Variants in NCAPD3 observed in about 807,000 individuals in gnomAD.
NCAPD3 encodes non-SMC condensin II complex subunit D3.
NCAPD3 carries 105 observed loss-of-function variants against 182.9 expected under a neutral mutation model. The ratio of observed to expected loss-of-function variants is 0.57; its 90% CI spans 0.49 to 0.68. The LOEUF is 0.68. Ranked by LOEUF, NCAPD3 falls within the 30% of genes least tolerant of loss-of-function variation. The pLI is 0.00. For synonymous variants in NCAPD3, 815 were observed against 679.9 expected, an observed-to-expected ratio of 1.20 and a Z score of -3.09; for missense variants, 1,944 against 1,837.0, an observed-to-expected ratio of 1.06 and a Z score of -1.07.
chr11:134,212,375 TTGTG>T (rs56807520), intron 3 of NCAPD3, among the ~76,000 whole-genome samples: 36 of 143,244 alleles, frequency 2.5e-4, no homozygotes, highest in South Asian at 9.1e-4. Context: ...TTTTGTTGTT[TTGTG>T]TGTGTGTGTG....
chr11:134,222,023 C>T (rs775632328), intron 1 of NCAPD3, among the ~76,000 whole-genome samples: 2 of 152,150 alleles, frequency 1.3e-5, no homozygotes, highest in Non-Finnish European at 2.9e-5. Context: ...TTTGGTTTTG[C>T]TTATGACAGT....
At chr11:134,169,278 T>C (rs1156468180) in intron 24 of NCAPD3, among the ~76,000 whole-genome samples, 1 of 152,230 alleles carries the variant, frequency 6.6e-6, no homozygotes, top group African/African-American at 2.4e-5. Flanking sequence ...AGTATATTTT[T>C]TCCACCAGGT....
chr11:134,185,472 G>A lies in NCAPD3; in HGVS notation c.2100C>T (p.Pro700=). The A allele has an allele frequency of 6.2e-7, 1 of 1,612,364 alleles. No individual in the cohort carries two copies. The highest frequency in any genetic ancestry group is 8.5e-7 in the Non-Finnish European group (1 of 1,179,212). Residue 700 remains proline (P), a synonymous_variant, in exon 17 of 35, where the codon CCC becomes CCT. Coordinates refer to ENST00000534548, the MANE Select transcript of NCAPD3 (RefSeq NM_015261.3). ...HIWSKKEKFS[P]TFINNVISHT... is the part of the protein sequence containing the mutation. Reference sequence around the variant, plus strand: ...GAGATATTACATTGTTTATAAAAGTGGGTGAGAATTTTTCTTTCTTGGACC... The same window carrying A: ...GAGATATTACATTGTTTATAAAAGTAGGTGAGAATTTTTCTTTCTTGGACC...
At chr11:134,225,364 C>A, upstream of NCAPD3, 1 of 1,611,836 alleles carries the variant, frequency 6.2e-7, no homozygotes. Flanking sequence ...ACCCCCGGGA[C>A]CCCCTCCCCC....
chr11:134,165,491 T>TCAC (rs1943749925), intron 27 of NCAPD3, among the ~76,000 whole-genome samples: 1 of 144,694 alleles, frequency 6.9e-6, no homozygotes. Flanking sequence ...AGTGGCACAC[T>TCAC]TGTGAGATGA....
chr11:134,170,896 TTTA>T (rs1318026419), intron 24 of NCAPD3, among the ~76,000 whole-genome samples: 1 of 152,240 alleles, frequency 6.6e-6, no homozygotes, highest in Non-Finnish European at 1.5e-5. Context: ...TCACTGGGAC[TTTA>T]TTAAGAGGGC....
intron 27 of NCAPD3, among the ~76,000 whole-genome samples, chr11:134,164,592 T>C (rs1177447689): frequency 6.6e-6 from 1 of 151,988 alleles, no homozygotes; most frequent in African/African-American, 2.4e-5. Flanking sequence ...ACTTGTGACA[T>C]GAGCTTAGGG....
chr11:134,162,772 G>A (rs1353563470), intron 27 of NCAPD3, among the ~76,000 whole-genome samples: 1 of 152,334 alleles, frequency 6.6e-6, no homozygotes, highest in South Asian at 2.1e-4. Context: ...CACCTTCTCT[G>A]TCCAGGCAAA....
chr11:134,220,342 C>T (rs998098355), intron 2 of NCAPD3, among the ~76,000 whole-genome samples: 3 of 151,262 alleles, frequency 2.0e-5, no homozygotes, highest in Non-Finnish European at 4.4e-5. Flanking sequence ...CTTTAATTTG[C>T]TATTGTAAAA....
intron 2 of NCAPD3, among the ~76,000 whole-genome samples, chr11:134,219,230 T>C (rs1938136892): frequency 6.6e-6 from 1 of 152,202 alleles, no homozygotes. Flanking sequence ...CTGGCCACTT[T>C]CTTTCTGGAA....
intron 2 of NCAPD3, among the ~76,000 whole-genome samples, chr11:134,220,300 C>T (rs1343192663): frequency 3.3e-5 from 5 of 150,898 alleles, no homozygotes; most frequent in Non-Finnish European, 7.4e-5. Flanking sequence ...GGATTACAGA[C>T]GTAAGACACC....
intron 27 of NCAPD3, among the ~76,000 whole-genome samples, chr11:134,165,491 T>TCACTAG: frequency 6.9e-6 from 1 of 144,820 alleles, no homozygotes; most frequent in South Asian, 2.3e-4. Flanking sequence ...AGTGGCACAC[T>TCACTAG]TGTGAGATGA....
intron 13 of NCAPD3, among the ~76,000 whole-genome samples, chr11:134,200,246 T>C (rs779326181): frequency 6.6e-6 from 1 of 152,102 alleles, no homozygotes; most frequent in Non-Finnish European, 1.5e-5. Context: ...AAAAGATAAA[T>C]TGGACTTCAT....
chr11:134,171,072 C>T (rs1943995846), intron 24 of NCAPD3, among the ~76,000 whole-genome samples: 1 of 152,168 alleles, frequency 6.6e-6, no homozygotes, highest in Non-Finnish European at 1.5e-5. Context: ...AGAGGCAGCA[C>T]TCTCTAGGTA....
In NCAPD3 at chr11:134,220,552, G is replaced by C. The variant is rs2136034337; in HGVS notation, c.219+20C>G. 1 of 1,598,544 alleles carries C rather than the reference G, an allele frequency of 6.3e-7. No homozygotes were observed. Among genetic ancestry groups the C allele is most frequent in the Non-Finnish European group, 8.6e-7 (1 of 1,169,310 alleles). On this transcript the variant is annotated intron_variant, in intron 2 of 34. Coordinates refer to ENST00000534548, the MANE Select transcript of NCAPD3 (RefSeq NM_015261.3). ...TACTTCTAACACCAAACTTTGGCTA[G>C]TTTGTTTTTATATTTTTACCTCCAT... is the stretch of plus-strand genomic sequence containing the variant.
chr11:134,171,519 A>C (rs1944005916), intron 24 of NCAPD3, among the ~76,000 whole-genome samples: 1 of 152,180 alleles, frequency 6.6e-6, no homozygotes, highest in Non-Finnish European at 1.5e-5. Flanking sequence ...TGCTGAACTC[A>C]TGTTCCTGAC....
At chr11:134,190,603 C>T (rs1239479697) in intron 16 of NCAPD3, among the ~76,000 whole-genome samples, 2 of 152,198 alleles carry the variant, frequency 1.3e-5, no homozygotes, top group Admixed American at 6.5e-5. Context: ...CATCCCACCA[C>T]AGCCTCCCAA....
Position 134,151,868 on chromosome 11 carries a change from A to G in NCAPD3, c.*1076T>C, listed in dbSNP as rs1943248266. The G allele has an allele frequency of 6.6e-6, 1 of 152,228 alleles. No individual in the cohort carries two copies. Among genetic ancestry groups the G allele is most frequent in the Non-Finnish European group, 1.5e-5 (1 of 68,046 alleles). 9.4% of individuals were successfully genotyped at this position (152,228 alleles called of 1,614,324 possible). On this transcript the variant is annotated 3_prime_UTR_variant, in exon 35 of 35. Coordinates refer to ENST00000534548, the MANE Select transcript of NCAPD3 (RefSeq NM_015261.3). Reference sequence around the variant, plus strand: ...CTATCAATCACCCATCCACCAGGGAAGTCAGTGCTGGGCAGGAGGTCAGCC... The same window carrying G: ...CTATCAATCACCCATCCACCAGGGAGGTCAGTGCTGGGCAGGAGGTCAGCC...
At chr11:134,167,315 T>A (rs1234835171) in intron 27 of NCAPD3, among the ~76,000 whole-genome samples, 55 of 63,488 alleles carry the variant, frequency 8.7e-4, no homozygotes, top group Admixed American at 8.9e-4. Flanking sequence ...CACACTCACT[T>A]GTGAAATGAG....
Sources: gnomAD v4.1 joint callset for allele counts (sites outside exome capture counted in the v4.1 genomes callset) on GRCh38, gnomAD v4.1.1 for gene constraint, MANE v1.5 for transcripts, NCBI Gene and HGNC (gene_info 2026-07-23, HGNC 2026-07-21) for gene names.